The following PYROXD2 variants were observed in gnomAD, a reference collection of about 807,000 sequenced individuals.
The protein encoded by PYROXD2 is pyridine nucleotide-disulfide oxidoreductase domain-containing protein 2.
Under a neutral mutation model 71.1 loss-of-function variants are expected in PYROXD2, and 69 were observed. The ratio of observed to expected loss-of-function variants is 0.97; its 90% CI spans 0.80 to 1.19. The LOEUF (loss-of-function observed/expected upper bound fraction) is 1.19, where lower values mean the gene tolerates loss of function less well. PYROXD2 is among the 50% of genes most tolerant of loss of function. The probability of loss-of-function intolerance (pLI) is 0.00; values close to 1 mark genes in which losing one functional copy is unlikely to be tolerated. For missense variants in PYROXD2, 745 were observed against 748.9 expected, an observed-to-expected ratio of 0.99 and a Z score of 0.06; for synonymous variants, 287 against 302.7, an observed-to-expected ratio of 0.95 and a Z score of 0.54.
At chr10:98,391,369 G>C (rs994253757) in intron 10 of PYROXD2, among the ~76,000 whole-genome samples, 1 of 152,102 alleles carries the variant, frequency 6.6e-6, no homozygotes, top group East Asian at 1.9e-4. Flanking sequence ...TTCACTACTG[G>C]TCTGTAAGCT....
intron 1 of PYROXD2, among the ~76,000 whole-genome samples, chr10:98,413,580 G>A (rs1227825725): frequency 1.3e-5 from 2 of 152,042 alleles, no homozygotes; most frequent in African/African-American, 4.8e-5. Context: ...CGGGCGTGGT[G>A]GTGGGCGCCT....
In PYROXD2 at chr10:98,400,277, T is replaced by C. The variant is rs780179779; in HGVS notation, c.316-20A>G. 4.4e-6 allele frequency: 7 copies of C among 1,596,876 alleles called. No individual in the cohort carries two copies. Among genetic ancestry groups the C allele is most frequent in the South Asian group, 1.1e-5 (1 of 88,880 alleles). ...ATGTTTCTGCAAAACACAAATAGCA[T>C]GGGCCACATATTAATGGCTCTGTGG... On this transcript the variant is annotated intron_variant, in intron 4 of 15. Coordinates refer to ENST00000370575, the MANE Select transcript of PYROXD2 (RefSeq NM_032709.3).
chr10:98,389,140 C>T (rs980553668), intron 12 of PYROXD2, among the ~76,000 whole-genome samples: 4 of 152,158 alleles, frequency 2.6e-5, no homozygotes, highest in Non-Finnish European at 2.9e-5. Flanking sequence ...CTCAAACATC[C>T]CCTGTTCAAA....
chr10:98,404,111 G>T (rs761752525), intron 4 of PYROXD2, among the ~76,000 whole-genome samples: 11 of 152,134 alleles, frequency 7.2e-5, no homozygotes, highest in Non-Finnish European at 1.3e-4. Context: ...CAACCTAAAG[G>T]TTTCTCTGTT....
At chr10:98,390,389 G>A (rs933184365) in intron 12 of PYROXD2, among the ~76,000 whole-genome samples, 14 of 152,054 alleles carry the variant, frequency 9.2e-5, no homozygotes, top group Non-Finnish European at 1.0e-4. Context: ...CTGCTAACCT[G>A]AGCCGCTCTT....
At chr10:98,388,247 T>TG (rs1564791732) in intron 13 of PYROXD2, 107 bp downstream of exon 13, 9 of 1,112,156 alleles carry the variant, frequency 8.1e-6, no homozygotes, top group Non-Finnish European at 1.2e-5. Flanking sequence ...CCCTTTGGAA[T>TG]GGCACCTGCA....
At chr10:98,401,946 T>C (rs1487124091) in intron 4 of PYROXD2, among the ~76,000 whole-genome samples, 1 of 152,252 alleles carries the variant, frequency 6.6e-6, no homozygotes, top group Non-Finnish European at 1.5e-5. Flanking sequence ...AATAAAAGTA[T>C]AGTATAATAA....
chr10:98,390,381 G>T (rs1184373693), intron 12 of PYROXD2, among the ~76,000 whole-genome samples: 1 of 152,074 alleles, frequency 6.6e-6, no homozygotes, highest in Admixed American at 6.5e-5. Context: ...TGCCCCTTCT[G>T]CTAACCTGAG....
Position 98,387,294 on chromosome 10 carries a change from G to A in PYROXD2, c.1461C>T (p.Ile487=), listed in dbSNP as rs369327343. The change falls in exon 14 of 16, where the codon ATC becomes ATT. Residue 487 remains isoleucine (I), a synonymous_variant. Coordinates refer to ENST00000370575, the MANE Select transcript of PYROXD2 (RefSeq NM_032709.3). Reference sequence around the variant, plus strand: ...CCTTGAAGCCAGGGGCATAGACCTCGATGCAATCAAACACTGGGGTGCCAA... The same window carrying A: ...CCTTGAAGCCAGGGGCATAGACCTCAATGCAATCAAACACTGGGGTGCCAA... ...DAYADRVFDC[I]EVYAPGFKDS... is the part of the protein sequence containing the mutation. 39 of 1,613,524 alleles carry A rather than the reference G, an allele frequency of 2.4e-5. No individual in the cohort carries two copies. Among genetic ancestry groups the A allele is most frequent in the Non-Finnish European group, 2.9e-5 (34 of 1,179,630 alleles).
At chr10:98,401,702 A>T (rs1212243587) in intron 4 of PYROXD2, among the ~76,000 whole-genome samples, 1 of 151,992 alleles carries the variant, frequency 6.6e-6, no homozygotes, top group Non-Finnish European at 1.5e-5. Flanking sequence ...TTCGCTAAAA[A>T]GTAAAATGCA....
In PYROXD2 at chr10:98,395,131, GT is replaced by G. The variant is rs1843116936; in HGVS notation, c.785+64del. ...AGCTGTTGTTGCTGCCACTGCCACTGTTGTCCTCACTCCTGTTGGGGAACAT... is the reference window on the plus strand; with the variant it reads ...AGCTGTTGTTGCTGCCACTGCCACTGTGTCCTCACTCCTGTTGGGGAACAT... On this transcript the variant is annotated intron_variant, in intron 8 of 15. Coordinates refer to ENST00000370575, the MANE Select transcript of PYROXD2 (RefSeq NM_032709.3). 9.3e-6 allele frequency: 13 copies of G among 1,401,654 alleles called. No individual in the cohort carries two copies. In the South Asian group the frequency reaches 1.3e-4, roughly 14 times the overall value. 86.8% of individuals were successfully genotyped at this position (1,401,654 alleles called of 1,614,324 possible).
chr10:98,408,589 CACAGAGAATGT>C (rs1339267461), intron 2 of PYROXD2, among the ~76,000 whole-genome samples: 5 of 152,260 alleles, frequency 3.3e-5, no homozygotes, highest in Non-Finnish European at 4.4e-5. Context: ...TGGTCCCTGG[CACAGAGAATGT>C]ACTCAGTAAA....
chr10:98,400,791 C>A (rs1202998806), intron 4 of PYROXD2, among the ~76,000 whole-genome samples: 1 of 152,178 alleles, frequency 6.6e-6, no homozygotes, highest in African/African-American at 2.4e-5. Context: ...AAATGCATTG[C>A]TAGACAATTT....
At chr10:98,410,709 T>C (rs1332983613) in intron 2 of PYROXD2, 1 of 597,532 alleles carries the variant, frequency 1.7e-6, no homozygotes, top group Non-Finnish European at 2.9e-6. Context: ...AAACCACCTT[T>C]CCCCATTAGG....
At chr10:98,394,250 A>G (rs1247410816) in intron 8 of PYROXD2, among the ~76,000 whole-genome samples, 1 of 152,198 alleles carries the variant, frequency 6.6e-6, no homozygotes, top group Admixed American at 6.5e-5. Flanking sequence ...CAAACGGAGC[A>G]CTGGTTAAGC....
intron 4 of PYROXD2, among the ~76,000 whole-genome samples, chr10:98,402,604 A>G (rs888231556): frequency 6.6e-6 from 1 of 152,236 alleles, no homozygotes; most frequent in Non-Finnish European, 1.5e-5. Flanking sequence ...GATAAAACAA[A>G]AGGGGCCTGT....
At chr10:98,400,335 G>T in intron 4 of PYROXD2, 78 bp from the exon 5 acceptor site, 1 of 1,414,500 alleles carries the variant, frequency 7.1e-7, no homozygotes, top group Non-Finnish European at 9.6e-7. Flanking sequence ...GATTGTGTTT[G>T]TGTGACCATT....
chr10:98,407,309 C>T (rs1843631023), intron 4 of PYROXD2, among the ~76,000 whole-genome samples: 1 of 152,206 alleles, frequency 6.6e-6, no homozygotes, highest in South Asian at 2.1e-4. Flanking sequence ...GATAGGTGTC[C>T]CACGTGGGCC....
chr10:98,405,791 C>T (rs1250630755), intron 4 of PYROXD2, among the ~76,000 whole-genome samples: 6 of 152,182 alleles, frequency 3.9e-5, no homozygotes, highest in African/African-American at 7.2e-5. Flanking sequence ...GAGGCCTGAG[C>T]GCATCATAGC....
Sources: allele counts gnomAD v4.1 joint callset (sites outside exome capture counted in the v4.1 genomes callset), GRCh38; gene constraint gnomAD v4.1.1; transcripts MANE v1.5; gene names NCBI Gene and HGNC (gene_info 2026-07-23, HGNC 2026-07-21).